Variants in CNGA3 observed in about 807,000 individuals in gnomAD.
CNGA3 encodes cyclic nucleotide-gated channel alpha-3.
In CNGA3, 42 loss-of-function variants were observed where a neutral mutation model predicts 46.6. That is an observed-to-expected ratio of 0.90 (90% CI 0.70 to 1.17). CNGA3 has a LOEUF of 1.17. CNGA3 is among the 50% of genes most tolerant of loss of function. The probability of loss-of-function intolerance (pLI) is 0.00; values close to 1 mark genes in which losing one functional copy is unlikely to be tolerated. For missense variants in CNGA3, 893 were observed against 890.7 expected, an observed-to-expected ratio of 1.00 and a Z score of -0.03; for synonymous variants, 394 against 369.4, an observed-to-expected ratio of 1.07 and a Z score of -0.76.
chr2:98,394,898 C>A (rs1692872048), intron 7 of CNGA3, among the ~76,000 whole-genome samples: 2 of 152,206 alleles, frequency 1.3e-5, no homozygotes, highest in South Asian at 4.1e-4. Flanking sequence ...TTCCTCCACT[C>A]CCTTCTTTTC....
Position 98,380,486 on chromosome 2 carries a change from G to T in CNGA3, c.395+132G>T, listed in dbSNP as rs921648160. On this transcript the variant is annotated intron_variant, in intron 4 of 7. Transcript: ENST00000272602. The stretch of plus-strand genomic sequence containing the variant: ...TCATCCCCATGAGCTGTTCCTTGAA[G>T]AAAGTGTTTGCCCTTGGGGGAGCAC... 10 of 1,182,284 alleles carry T rather than the reference G, an allele frequency of 8.5e-6. No individual in the cohort carries two copies. The African/African-American group carries it at 1.4e-4, about 16-fold the overall frequency. The allele number at this position is 1,182,284 out of a possible 1,614,324, so 73.2% of individuals were successfully genotyped here.
At chr2:98,361,957 T>C (rs1692043904) in intron 1 of CNGA3, among the ~76,000 whole-genome samples, 1 of 152,048 alleles carries the variant, frequency 6.6e-6, no homozygotes, top group Admixed American at 6.6e-5. Context: ...TCCACCTGCC[T>C]CGGCCTCCCA....
chr2:98,347,706 G>A (rs1574353179), intron 1 of CNGA3, among the ~76,000 whole-genome samples: 1 of 152,166 alleles, frequency 6.6e-6, no homozygotes. Flanking sequence ...AGCGAAGCCC[G>A]GCACCCCGAC....
chr2:98,391,370 G>A (rs1406155111), intron 6 of CNGA3, among the ~76,000 whole-genome samples: 1 of 152,210 alleles, frequency 6.6e-6, no homozygotes. Context: ...TGGGCGGCAG[G>A]GGCAGGCTGC....
chr2:98,349,693 A>G (rs575072400), intron 1 of CNGA3, among the ~76,000 whole-genome samples: 3 of 152,184 alleles, frequency 2.0e-5, no homozygotes, highest in African/African-American at 7.2e-5. Flanking sequence ...TTCTGATTCC[A>G]CACTTATACA....
In CNGA3 at chr2:98,391,962, C is replaced by A; in HGVS notation, c.665C>A (p.Ala222Asp). 1 of 1,613,794 alleles carries A rather than the reference C, an allele frequency of 6.2e-7. No homozygotes were observed. Among genetic ancestry groups the A allele is most frequent in the Non-Finnish European group, 8.5e-7 (1 of 1,179,896 alleles). Residue 222 changes from alanine (A) to aspartate (D), a missense_variant, in exon 7 of 8, where the codon GCT becomes GAT. Ala to Asp is a moderately radical substitution (Grantham distance 126, BLOSUM62 -2). Transcript: ENST00000272602. Reference sequence around the variant, plus strand: ...TATGTCTTGGATGTGCTTGTACGAGCTCGGACAGGTGAGTGTGCCCCAGGC... The same window carrying A: ...TATGTCTTGGATGTGCTTGTACGAGATCGGACAGGTGAGTGTGCCCCAGGC... ...VLYVLDVLVR[A>D]RTGFLEQGLM...
chr2:98,353,739 A>G (rs1691818574), intron 1 of CNGA3, among the ~76,000 whole-genome samples: 1 of 152,228 alleles, frequency 6.6e-6, no homozygotes, highest in South Asian at 2.1e-4. Flanking sequence ...AGGTTTACTC[A>G]GCTCATAGTT....
chr2:98,391,337 T>C (rs1023623079), intron 6 of CNGA3, among the ~76,000 whole-genome samples: 2 of 151,906 alleles, frequency 1.3e-5, no homozygotes, highest in Non-Finnish European at 2.9e-5. Context: ...CAGGAGGCTT[T>C]GGGGCGCTGA....
rs374275399 is a variant in CNGA3, at chr2:98,396,785, G to A, written c.1615G>A (p.Val539Met). The A allele has an allele frequency of 2.2e-5, 36 of 1,614,086 alleles. No individual in the cohort carries two copies. Among genetic ancestry groups the A allele is most frequent in the African/African-American group, 2.7e-5 (2 of 74,934 alleles). The change falls in exon 8 of 8, where the codon GTG becomes ATG. Residue 539 changes from valine (V) to methionine (M), a missense_variant. This residue lies in a region of CNGA3 where 548 missense variants were observed against 570.8 expected (regional missense o/e 0.96). Coordinates refer to ENST00000272602, the MANE Select transcript of CNGA3 (RefSeq NM_001298.3). ...VVADDGVTQF[V>M]VLSDGSYFGE... ...GGCTGATGATGGGGTCACCCAGTTC[G>A]TGGTCCTCAGCGATGGCAGCTACTT...
intron 4 of CNGA3, among the ~76,000 whole-genome samples, chr2:98,380,992 A>G (rs1283723741): frequency 1.3e-5 from 2 of 152,152 alleles, no homozygotes; most frequent in African/African-American, 4.8e-5. Flanking sequence ...GCCTCTCTGC[A>G]TCTTGCTTCG....
chr2:98,346,919 C>G (rs1331212269), intron 1 of CNGA3: 2 of 153,162 alleles, frequency 1.3e-5, no homozygotes, highest in Non-Finnish European at 2.9e-5. Flanking sequence ...GGCTGGCTCC[C>G]GCTGGGGACG....
intron 2 of CNGA3, among the ~76,000 whole-genome samples, chr2:98,375,906 A>T (rs997465164): frequency 2.6e-5 from 4 of 151,976 alleles, no homozygotes; most frequent in African/African-American, 9.7e-5. Context: ...CTGAACTCCC[A>T]TTTCCTCTCT....
intron 4 of CNGA3, among the ~76,000 whole-genome samples, chr2:98,382,151 T>C (rs908580756): frequency 6.6e-6 from 1 of 152,140 alleles, no homozygotes; most frequent in Non-Finnish European, 1.5e-5. Context: ...GGAAGATGGA[T>C]GCGATGGTGC....
chr2:98,367,074 C>T (rs1286613283), intron 1 of CNGA3, among the ~76,000 whole-genome samples: 1 of 152,028 alleles, frequency 6.6e-6, no homozygotes, highest in Non-Finnish European at 1.5e-5. Context: ...ACTGCCTAGT[C>T]AGTCCCACTG....
At chr2:98,352,148 A>G (rs747953041) in intron 1 of CNGA3, among the ~76,000 whole-genome samples, 7 of 152,194 alleles carry the variant, frequency 4.6e-5, no homozygotes, top group Non-Finnish European at 1.0e-4. Flanking sequence ...TCCACTTAGC[A>G]TAATATTTTC....
intron 2 of CNGA3, among the ~76,000 whole-genome samples, chr2:98,370,895 A>C (rs531539634): frequency 9.9e-5 from 15 of 152,124 alleles, no homozygotes; most frequent in Non-Finnish European, 1.9e-4. Flanking sequence ...GCAGTAGTGC[A>C]ATTAGTGCAA....
At chr2:98,369,314 G>A (rs1413699056) in intron 1 of CNGA3, among the ~76,000 whole-genome samples, 2 of 152,166 alleles carry the variant, frequency 1.3e-5, no homozygotes, top group South Asian at 2.1e-4. Context: ...TTGACAGGTG[G>A]ATCTATCTTT....
intron 1 of CNGA3, chr2:98,355,985 T>A (rs1691870538): frequency 3.3e-5 from 5 of 152,200 alleles, no homozygotes. Flanking sequence ...ACCAGGCCTC[T>A]TTGCCGGCTG....
At chr2:98,385,846 G>A (rs538409734) in intron 5 of CNGA3, among the ~76,000 whole-genome samples, 10 of 152,238 alleles carry the variant, frequency 6.6e-5, no homozygotes, top group Admixed American at 2.6e-4. Context: ...AGTCTCAAAC[G>A]GCAGGAGCAG....
Sources: allele counts gnomAD v4.1 joint callset (sites outside exome capture counted in the v4.1 genomes callset), GRCh38; gene constraint gnomAD v4.1.1; regional missense constraint gnomAD v4.1.1; transcripts MANE v1.5; gene names NCBI Gene and HGNC (gene_info 2026-07-23, HGNC 2026-07-21).